SRPX: variants seen among roughly 807,000 people sequenced by gnomAD.
The protein encoded by SRPX is sushi repeat-containing protein SRPX.
A neutral mutation model predicts 38.1 loss-of-function variants in SRPX; 24 were observed. The observed-to-expected ratio is 0.63, with a 90% confidence interval of 0.46 to 0.89. The LOEUF is 0.89. Among genes scored for constraint, SRPX ranks in the 40% least tolerant of loss-of-function variants. SRPX has a pLI of 0.00. For synonymous variants in SRPX, 184 were observed against 153.8 expected (o/e 1.20, Z -1.45); for missense variants, 416 against 377.8 (o/e 1.10, Z -0.84).
At chrX:38,158,061 T>C (rs1206599017) in intron 7 of SRPX, among the ~76,000 whole-genome samples, 1 of 112,127 alleles carries the variant, frequency 8.9e-6, no homozygotes, top group Non-Finnish European at 1.9e-5. Context: ...GAAAGGCATA[T>C]GGGCCAAGCA....
chrX:38,156,885 C>T lies in SRPX; in HGVS notation c.1089+11G>A. The T allele has an allele frequency of 1.7e-6, 2 of 1,207,536 alleles. No individual in the cohort carries two copies. Among genetic ancestry groups the T allele is most frequent in the South Asian group, 1.8e-5 (1 of 55,863 alleles). ...TCTCCCTCTCACCTTGGCCCTGCCTCGAGGACTCACCTGCAGCATTCCTAG... is the reference window on the plus strand; with the variant it reads ...TCTCCCTCTCACCTTGGCCCTGCCTTGAGGACTCACCTGCAGCATTCCTAG... On this transcript the variant is annotated intron_variant, in intron 8 of 9. Transcript: ENST00000378533.
At chrX:38,190,928 T>C (rs1185194716) in intron 1 of SRPX, among the ~76,000 whole-genome samples, 1 of 111,796 alleles carries the variant, frequency 8.9e-6, no homozygotes. Context: ...CCAATGAGAA[T>C]CTTGGAAGGA....
chrX:38,214,420 C>T (rs946371980), intron 1 of SRPX, among the ~76,000 whole-genome samples: 4 of 110,919 alleles, frequency 3.6e-5, no homozygotes, highest in African/African-American at 9.8e-5. Flanking sequence ...CAGAGGCATG[C>T]CCCCCAGCAC....
intron 9 of SRPX, among the ~76,000 whole-genome samples, chrX:38,152,412 TA>T (rs1938033794): frequency 8.9e-6 from 1 of 112,284 alleles, no homozygotes; most frequent in South Asian, 3.7e-4. Context: ...AAGGCTTTGG[TA>T]AAAAACTAGG....
chrX:38,208,848 C>CT lies in SRPX; in HGVS notation c.97+11847dup, dbSNP rs776432762. 8.5e-3 allele frequency among the ~76,000 whole-genome samples: 676 copies of CT among 79,533 alleles called. 5 individuals are homozygous for CT. The highest frequency in any genetic ancestry group is 0.018 in the African/African-American group (396 of 21,730). 69.1% of individuals were successfully genotyped at this position (79,533 alleles called of 115,157 possible). A position where few individuals can be genotyped will look rare whatever the true frequency, so the allele number is the denominator to read the frequency against. On this transcript the variant is annotated intron_variant, in intron 1 of 9. Coordinates refer to ENST00000378533, the MANE Select transcript of SRPX (RefSeq NM_006307.5). ...GAGTGCCAGCACACCTGACTAATTT[C>CT]TTTTTTTTTTTTTTTTTTTTTAGAG...
intron 9 of SRPX, among the ~76,000 whole-genome samples, chrX:38,152,241 G>T (rs1036062912): frequency 3.6e-5 from 4 of 112,171 alleles, no homozygotes; most frequent in African/African-American, 1.3e-4. Flanking sequence ...TCACTGATAT[G>T]TTTGATAACA....
chrX:38,150,507 G>A (rs1010459404), intron 9 of SRPX, among the ~76,000 whole-genome samples: 2 of 112,133 alleles, frequency 1.8e-5, no homozygotes, highest in Non-Finnish European at 3.8e-5. Context: ...TAGAGGCCAG[G>A]AATGCTGCTA....
intron 4 of SRPX, among the ~76,000 whole-genome samples, chrX:38,170,697 C>G (rs1938450474): frequency 8.9e-6 from 1 of 112,025 alleles, no homozygotes; most frequent in African/African-American, 3.2e-5. Flanking sequence ...TCTGGTCCAG[C>G]TTAAGACATG....
intron 5 of SRPX, among the ~76,000 whole-genome samples, chrX:38,162,350 A>G (rs1457575621): frequency 9.0e-6 from 1 of 111,696 alleles, no homozygotes; most frequent in Non-Finnish European, 1.9e-5. Flanking sequence ...AAGGAGCCCT[A>G]GTGAGAGCGA....
intron 1 of SRPX, among the ~76,000 whole-genome samples, chrX:38,205,218 C>T (rs1216807366): frequency 8.9e-6 from 1 of 112,180 alleles, no homozygotes; most frequent in African/African-American, 3.2e-5. Context: ...CCATACCTTA[C>T]ATTTGCACTG....
intron 1 of SRPX, among the ~76,000 whole-genome samples, chrX:38,213,639 T>C (rs1257077371): frequency 1.8e-5 from 2 of 111,950 alleles, no homozygotes; most frequent in East Asian, 2.8e-4. Flanking sequence ...TTTGCACTGC[T>C]ATGAAGAAAT....
chrX:38,154,613 T>C, intron 8 of SRPX, 30 bp from the exon 9 acceptor site: 1 of 1,204,160 alleles, frequency 8.3e-7, no homozygotes. Context: ...ACAGGGGAAG[T>C]ATGAGCATGG....
intron 1 of SRPX, among the ~76,000 whole-genome samples, chrX:38,209,558 T>C (rs1316927952): frequency 8.9e-6 from 1 of 111,768 alleles, no homozygotes; most frequent in Non-Finnish European, 1.9e-5. Context: ...TTCCCTCCTA[T>C]CTGAATGTGT....
chrX:38,183,055 ATTT>A (rs35438256), intron 1 of SRPX, among the ~76,000 whole-genome samples: 1 of 96,593 alleles, frequency 1.0e-5, no homozygotes, highest in Non-Finnish European at 2.1e-5. Context: ...TTCTTGATAG[ATTT>A]TTTTTTTTTT....
At chrX:38,151,750 G>A (rs1376792187) in intron 9 of SRPX, among the ~76,000 whole-genome samples, 1 of 111,303 alleles carries the variant, frequency 9.0e-6, no homozygotes, top group Non-Finnish European at 1.9e-5. Flanking sequence ...GTGTGATGCC[G>A]ACAGTATGCC....
chrX:38,170,289 A>G (rs773950512), intron 4 of SRPX, among the ~76,000 whole-genome samples: 6 of 111,998 alleles, frequency 5.4e-5, no homozygotes, highest in African/African-American at 6.5e-5. Context: ...CTTAGCCACT[A>G]TGTGTCACCT....
intron 1 of SRPX, among the ~76,000 whole-genome samples, chrX:38,204,897 A>G (rs1320211040): frequency 8.9e-6 from 1 of 112,412 alleles, no homozygotes; most frequent in Non-Finnish European, 1.9e-5. Flanking sequence ...GGCTCAAATG[A>G]TGCAAGTTCC....
chrX:38,220,349 G>C (rs760979449), intron 1 of SRPX, among the ~76,000 whole-genome samples: 99 of 113,287 alleles, frequency 8.7e-4, no homozygotes, highest in Non-Finnish European at 1.7e-3. Context: ...CAAAATTCTG[G>C]GGGTGAGAAA....
chrX:38,181,828 T>C (rs1306333663), intron 1 of SRPX, among the ~76,000 whole-genome samples: 1 of 111,734 alleles, frequency 8.9e-6, no homozygotes, highest in African/African-American at 3.3e-5. Flanking sequence ...TTTCTCTTAG[T>C]AACTGGACAC....
Sources: allele counts gnomAD v4.1 joint callset (sites outside exome capture counted in the v4.1 genomes callset), GRCh38; gene constraint gnomAD v4.1.1; transcripts MANE v1.5; gene names NCBI Gene and HGNC (gene_info 2026-07-23, HGNC 2026-07-21).